Variants in ITGA9 observed in about 807,000 individuals in gnomAD.
ITGA9 encodes the protein integrin alpha-9.
A neutral mutation model predicts 127.8 loss-of-function variants in ITGA9; 56 were observed. The ratio of observed to expected loss-of-function variants is 0.44; its 90% confidence interval spans 0.35 to 0.55. The LOEUF (loss-of-function observed/expected upper bound fraction) is 0.55, where lower values mean the gene tolerates loss of function less well. Among genes scored for constraint, ITGA9 ranks in the 20% least tolerant of loss-of-function variants. ITGA9 has a pLI of 0.00. For synonymous variants in ITGA9, 508 were observed against 514.5 expected, an observed-to-expected ratio of 0.99 and a Z score of 0.17; for missense variants, 1,196 against 1,347.1, an observed-to-expected ratio of 0.89 and a Z score of 1.76.
intron 19 of ITGA9, chr3:37,733,064 C>T: frequency 4.2e-6 from 2 of 471,922 alleles, no homozygotes; most frequent in South Asian, 2.1e-5. Context: ...ACAGCCTCTG[C>T]ACTTTAGCAC....
chr3:37,586,187 T>C lies in ITGA9; in HGVS notation c.1690-43000T>C, dbSNP rs75118329. Among the ~76,000 whole-genome samples, 15 of 152,318 alleles carry C rather than the reference T, an allele frequency of 9.8e-5. No homozygotes were observed. In the East Asian group the frequency reaches 1.5e-3, roughly 16 times the overall value. ...GAATGAAAAGAAAGGTACCAGCAGATTTTTTTAGATGTTCTAATTGATACC... is the reference window on the plus strand; with the variant it reads ...GAATGAAAAGAAAGGTACCAGCAGACTTTTTTAGATGTTCTAATTGATACC... On this transcript the variant is annotated intron_variant, in intron 15 of 27. Transcript: ENST00000264741.
chr3:37,646,106 G>A (rs904380617), intron 16 of ITGA9, among the ~76,000 whole-genome samples: 10 of 152,324 alleles, frequency 6.6e-5, no homozygotes, highest in African/African-American at 2.4e-4. Context: ...AGGAAATGAA[G>A]AAACATAGCC....
intron 22 of ITGA9, chr3:37,749,667 G>A (rs2125537433): frequency 6.6e-6 from 1 of 152,266 alleles, no homozygotes; most frequent in Middle Eastern, 3.4e-3. Flanking sequence ...ATTGACTTCT[G>A]AAGACAGAAA....
intron 15 of ITGA9, among the ~76,000 whole-genome samples, chr3:37,575,620 A>G (rs9855946): frequency 0.65 from 97,911 of 151,650 alleles, 31,939 homozygotes; most frequent in East Asian, 0.75. Flanking sequence ...AGAGAGCACC[A>G]AGACAGGACC....
intron 26 of ITGA9, among the ~76,000 whole-genome samples, chr3:37,792,995 C>A (rs1697129582): frequency 6.6e-6 from 1 of 152,038 alleles, no homozygotes. Flanking sequence ...GCTGTCATTG[C>A]ATAAAGAGAT....
At chr3:37,593,875 C>T (rs1010421916) in intron 15 of ITGA9, among the ~76,000 whole-genome samples, 3 of 111,502 alleles carry the variant, frequency 2.7e-5, no homozygotes, top group Admixed American at 9.5e-5. Flanking sequence ...ACAACTTCCT[C>T]TGCTCTCCTT....
intron 1 of ITGA9, among the ~76,000 whole-genome samples, chr3:37,470,379 G>C (rs1425317258): frequency 6.6e-6 from 1 of 152,072 alleles, no homozygotes; most frequent in African/African-American, 2.4e-5. Flanking sequence ...GCCAGCACTT[G>C]GGATTTTCAG....
intron 15 of ITGA9, among the ~76,000 whole-genome samples, chr3:37,586,510 G>C (rs1699760377): frequency 6.6e-6 from 1 of 152,160 alleles, no homozygotes; most frequent in Non-Finnish European, 1.5e-5. Context: ...TCTCTTTTAG[G>C]AATGCCATTT....
At chr3:37,790,937 C>T (rs1156239288) in intron 26 of ITGA9, 4 of 152,162 alleles carry the variant, frequency 2.6e-5, no homozygotes, top group Admixed American at 2.6e-4. Flanking sequence ...ACAGGAGAAA[C>T]GTAGTTAATC....
chr3:37,563,296 T>C (rs1699512429), intron 15 of ITGA9, among the ~76,000 whole-genome samples: 1 of 152,204 alleles, frequency 6.6e-6, no homozygotes, highest in Non-Finnish European at 1.5e-5. Flanking sequence ...CTGGAAACAC[T>C]TGGTCACATG....
At chr3:37,738,736 T>C (rs1278815757) in intron 20 of ITGA9, among the ~76,000 whole-genome samples, 1 of 152,194 alleles carries the variant, frequency 6.6e-6, no homozygotes, top group Non-Finnish European at 1.5e-5. Flanking sequence ...CTTCCACACC[T>C]GAGGCAGCCT....
rs755362180 is a variant in ITGA9, at chr3:37,772,804, C to A, written c.2542-4588C>A. The stretch of plus-strand genomic sequence containing the variant: ...TCCCATGTAACCACAGTCGGGAGCA[C>A]AACTGGCCAAGATTTTCATTCACCG... On this transcript the variant is annotated intron_variant, in intron 23 of 27. Transcript: ENST00000264741. Among the ~76,000 whole-genome samples, 14 of 152,182 alleles carry A rather than the reference C, an allele frequency of 9.2e-5. No homozygotes were observed. In the East Asian group the frequency reaches 2.7e-3, roughly 29 times the overall value.
At chr3:37,616,968 G>A (rs1405946058) in intron 15 of ITGA9, among the ~76,000 whole-genome samples, 1 of 150,222 alleles carries the variant, frequency 6.7e-6, no homozygotes, top group Non-Finnish European at 1.5e-5. Flanking sequence ...TTACATTTAA[G>A]GTTAATATTG....
intron 17 of ITGA9, among the ~76,000 whole-genome samples, chr3:37,680,173 T>G (rs780868660): frequency 6.6e-6 from 1 of 152,194 alleles, no homozygotes; most frequent in Non-Finnish European, 1.5e-5. Flanking sequence ...CTCTCTAATA[T>G]GGGCCTAATA....
chr3:37,764,242 G>A (rs1696753066), intron 23 of ITGA9, among the ~76,000 whole-genome samples: 1 of 151,568 alleles, frequency 6.6e-6, no homozygotes, highest in Admixed American at 6.6e-5. Context: ...CCCATCCTAG[G>A]GTGTCCTCTT....
chr3:37,699,445 A>T lies in ITGA9; in HGVS notation c.2067+15430A>T, dbSNP rs189241839. ...CTCATACACCACATCTATTTCTCAA[A>T]CACCCTGTTGGCTGATCCTACAGAG... On this transcript the variant is annotated intron_variant, in intron 18 of 27. Coordinates refer to ENST00000264741, the MANE Select transcript of ITGA9 (RefSeq NM_002207.3). Among the ~76,000 whole-genome samples, 7 of 152,212 alleles carry T rather than the reference A, an allele frequency of 4.6e-5. No individual in the cohort carries two copies. The East Asian group carries it at 1.2e-3, about 25-fold the overall frequency.
At chr3:37,468,469 T>C (rs1318818462) in intron 1 of ITGA9, among the ~76,000 whole-genome samples, 1 of 152,188 alleles carries the variant, frequency 6.6e-6, no homozygotes, top group Non-Finnish European at 1.5e-5. Context: ...TTAGTGACGA[T>C]GTCCTTTGTG....
chr3:37,515,135 C>T (rs17036479), intron 9 of ITGA9, among the ~76,000 whole-genome samples: 6,904 of 152,192 alleles, frequency 0.045, 445 homozygotes, highest in African/African-American at 0.15. Context: ...CATGAGAAAA[C>T]GCTTATGGAG....
At chr3:37,684,543 T>G (rs1354152988) in intron 18 of ITGA9, among the ~76,000 whole-genome samples, 1 of 152,234 alleles carries the variant, frequency 6.6e-6, no homozygotes, top group East Asian at 1.9e-4. Flanking sequence ...TGCCACAATC[T>G]TGGCTCACTG....
Sources: gnomAD v4.1 joint callset for allele counts (sites outside exome capture counted in the v4.1 genomes callset) on GRCh38, gnomAD v4.1.1 for gene constraint, MANE v1.5 for transcripts, NCBI Gene and HGNC (gene_info 2026-07-23, HGNC 2026-07-21) for gene names.